Variants in RPTOR observed in about 807,000 individuals in gnomAD.
RPTOR encodes regulatory associated protein of MTOR complex 1, also known as regulatory-associated protein of mTOR.
A neutral mutation model predicts 169.9 loss-of-function variants in RPTOR; 21 were observed. That is an observed-to-expected ratio of 0.12 (90% confidence interval 0.09 to 0.18). The LOEUF (loss-of-function observed/expected upper bound fraction) is 0.18. Among genes scored for constraint, RPTOR ranks in the 10% least tolerant of loss-of-function variants. The pLI, the probability that RPTOR is intolerant of heterozygous loss-of-function variation, is 1.00. For synonymous variants in RPTOR, 732 were observed against 753.2 expected, an observed-to-expected ratio of 0.97 and a Z score of 0.46; for missense variants, 1,133 against 1,855.9, an observed-to-expected ratio of 0.61 and a Z score of 7.16.
intron 5 of RPTOR, among the ~76,000 whole-genome samples, chr17:80,741,243 T>G (rs1292986233): frequency 6.6e-6 from 1 of 152,148 alleles, no homozygotes; most frequent in East Asian, 1.9e-4. Context: ...GCTTGGCTAA[T>G]GAGCAGAGTA....
At chr17:80,741,046 G>A (rs2066477695) in intron 5 of RPTOR, among the ~76,000 whole-genome samples, 1 of 152,274 alleles carries the variant, frequency 6.6e-6, no homozygotes, top group Non-Finnish European at 1.5e-5. Flanking sequence ...TGTTGACGAG[G>A]ATGTGGAGAG....
Position 80,773,725 on chromosome 17 carries a change from C to G in RPTOR, c.831-17725C>G, listed in dbSNP as rs1232344960. 4 of 940,706 alleles carry G rather than the reference C, an allele frequency of 4.3e-6. No individual in the cohort carries two copies. In the African/African-American group the frequency reaches 7.1e-5, roughly 17 times the overall value. The allele number at this position is 940,706 out of a possible 1,614,324, so 58.3% of individuals were successfully genotyped here. On this transcript the variant is annotated intron_variant, in intron 6 of 33. Coordinates refer to ENST00000306801, the MANE Select transcript of RPTOR (RefSeq NM_020761.3). ...CTCTGGCACCAGGCCCTCCTCCAGG[C>G]AGGCGCTTGGGCAGGCTGGTGGGAC...
intron 1 of RPTOR, among the ~76,000 whole-genome samples, chr17:80,600,086 C>G (rs1476520678): frequency 2.6e-5 from 4 of 152,138 alleles, no homozygotes; most frequent in Non-Finnish European, 5.9e-5. Context: ...GATTGAGATC[C>G]AAGTGCAGTG....
At chr17:80,808,350 C>T (rs912655020) in intron 7 of RPTOR, among the ~76,000 whole-genome samples, 1 of 152,076 alleles carries the variant, frequency 6.6e-6, no homozygotes. Context: ...ACTTGAGTCC[C>T]AGTGGTTGTG....
intron 1 of RPTOR, among the ~76,000 whole-genome samples, chr17:80,620,732 C>T (rs1211886745): frequency 6.6e-6 from 1 of 152,198 alleles, no homozygotes; most frequent in East Asian, 1.9e-4. Flanking sequence ...TGCCACTGCA[C>T]GTGATCGTGG....
At chr17:80,795,524 C>T (rs2067092083) in intron 7 of RPTOR, among the ~76,000 whole-genome samples, 1 of 152,066 alleles carries the variant, frequency 6.6e-6, no homozygotes, top group East Asian at 1.9e-4. Flanking sequence ...TTCTCCTGTG[C>T]CAAGTGATGC....
rs74787828 is a variant in RPTOR at position 80,746,400 on chromosome 17, G to T, written c.655-7610G>T. Reference sequence around the variant, plus strand: ...GGAGCGGACGGCAGGCCTGGGGCGTGCTGCCCGCTTACCTCATGAACTGCG... The same window carrying T: ...GGAGCGGACGGCAGGCCTGGGGCGTTCTGCCCGCTTACCTCATGAACTGCG... On this transcript the variant is annotated intron_variant, in intron 5 of 33. Coordinates refer to ENST00000306801, the MANE Select transcript of RPTOR (RefSeq NM_020761.3). The surrounding 1 kb of genome is among the most constrained non-coding windows in gnomAD (Gnocchi z 4.5). 6.6e-6 allele frequency among the ~76,000 whole-genome samples: 1 copy of T among 152,278 alleles called. No homozygotes were observed. The highest frequency in any genetic ancestry group is 2.4e-5 in the African/African-American group (1 of 41,558).
In RPTOR at chr17:80,960,357, G is replaced by C; in HGVS notation, c.3605+152G>C. 1 of 1,113,120 alleles carries C rather than the reference G, an allele frequency of 9.0e-7. No individual in the cohort carries two copies. The highest frequency in any genetic ancestry group is 1.3e-6 in the Non-Finnish European group (1 of 787,156). 69.0% of individuals were successfully genotyped at this position (1,113,120 alleles called of 1,614,324 possible). A position where few individuals can be genotyped will look rare whatever the true frequency, so the allele number is the denominator to read the frequency against. On this transcript the variant is annotated intron_variant, in intron 30 of 33. Coordinates refer to ENST00000306801, the MANE Select transcript of RPTOR (RefSeq NM_020761.3). This position sits in a 1 kb window ranked among gnomAD's most constrained non-coding sequence, Gnocchi z 4.8. ...GCAGTGGCGTATTTAGGCCAGTCCT[G>C]GGCTCCCCAAAGCCGCCAGGCCCGT...
At chr17:80,595,471 C>A (rs575080821) in intron 1 of RPTOR, among the ~76,000 whole-genome samples, 43 of 152,282 alleles carry the variant, frequency 2.8e-4, no homozygotes, top group Non-Finnish European at 4.9e-4. Flanking sequence ...TTTTCCCCCC[C>A]CTTAGATGGG....
intron 1 of RPTOR, among the ~76,000 whole-genome samples, chr17:80,571,898 C>G (rs1386903921): frequency 1.3e-5 from 2 of 152,146 alleles, no homozygotes; most frequent in African/African-American, 4.8e-5. Context: ...TGCTTCTTTT[C>G]TCAGTATCGT....
chr17:80,654,955 A>G (rs924742643), intron 3 of RPTOR, among the ~76,000 whole-genome samples: 2 of 152,144 alleles, frequency 1.3e-5, no homozygotes, highest in Admixed American at 1.3e-4. Context: ...ATGGATAAAC[A>G]TAGAAGAAAG....
intron 1 of RPTOR, among the ~76,000 whole-genome samples, chr17:80,582,541 C>CTTTT (rs5822359): frequency 2.3e-5 from 2 of 86,836 alleles, no homozygotes; most frequent in African/African-American, 4.6e-5. Flanking sequence ...GACAAATGGG[C>CTTTT]TTTTTTTTTT....
At position 80,891,852 on chromosome 17, in the gene RPTOR, C is replaced by T. The variant is rs566994990; in HGVS notation, c.2101+15C>T. 3 of 1,568,978 alleles carry T rather than the reference C, an allele frequency of 1.9e-6. No homozygotes were observed. Among genetic ancestry groups the T allele is most frequent in the Non-Finnish European group, 2.6e-6 (3 of 1,140,488 alleles). On this transcript the variant is annotated intron_variant, in intron 18 of 33. Transcript: ENST00000306801. Reference sequence around the variant, plus strand: ...AGCAACCACAGGTATGGCGTCTTCTCCTGTGAACCCGCAGAGCACCTCGCC... The same window carrying T: ...AGCAACCACAGGTATGGCGTCTTCTTCTGTGAACCCGCAGAGCACCTCGCC...
At chr17:80,560,175 C>A (rs2084462256) in intron 1 of RPTOR, among the ~76,000 whole-genome samples, 2 of 152,180 alleles carry the variant, frequency 1.3e-5, no homozygotes, top group Non-Finnish European at 2.9e-5. Flanking sequence ...AATTCTGCAG[C>A]TGGACATTGA....
chr17:80,822,939 G>A (rs771253425), intron 8 of RPTOR, 140 bp from the exon 9 acceptor site: 56 of 727,792 alleles, frequency 7.7e-5, no homozygotes, highest in Admixed American at 2.8e-4. Flanking sequence ...GTGTTTAAGC[G>A]TGTGTGTGTG....
In RPTOR at chr17:80,844,753, C is replaced by T. The variant is rs554139930; in HGVS notation, c.1213-1720C>T. On this transcript the variant is annotated intron_variant, in intron 10 of 33. Coordinates refer to ENST00000306801, the MANE Select transcript of RPTOR (RefSeq NM_020761.3). This position sits in a 1 kb window ranked among gnomAD's most constrained non-coding sequence, Gnocchi z 4.7. ...GAGAGCGCTCCTGGACTTGGGCGCACGGAGGCACCCTGTCCTGCTCCTGGC... is the reference window on the plus strand; with the variant it reads ...GAGAGCGCTCCTGGACTTGGGCGCATGGAGGCACCCTGTCCTGCTCCTGGC... 3.3e-5 allele frequency among the ~76,000 whole-genome samples: 5 copies of T among 152,300 alleles called. No homozygotes were observed. Among genetic ancestry groups the T allele is most frequent in the East Asian group, 1.9e-4 (1 of 5,168 alleles).
intron 1 of RPTOR, among the ~76,000 whole-genome samples, chr17:80,548,508 A>G (rs953092800): frequency 1.3e-5 from 2 of 148,988 alleles, no homozygotes; most frequent in African/African-American, 5.0e-5. Flanking sequence ...CAGCCTCCCA[A>G]GTAGCTGGGA....
chr17:80,903,933 A>AC (rs1445320170), intron 20 of RPTOR, among the ~76,000 whole-genome samples: 5 of 152,270 alleles, frequency 3.3e-5, no homozygotes, highest in African/African-American at 1.2e-4. Flanking sequence ...TTGTCAGAAG[A>AC]CGGTGGTGAG....
chr17:80,893,417 G>T (rs1488535395), intron 19 of RPTOR, among the ~76,000 whole-genome samples: 1 of 137,466 alleles, frequency 7.3e-6, no homozygotes, highest in Non-Finnish European at 1.5e-5. Context: ...TGTGTACAAG[G>T]GTGTGTGTGT....
Sources: allele counts gnomAD v4.1 joint callset (sites outside exome capture counted in the v4.1 genomes callset), GRCh38; gene constraint gnomAD v4.1.1; non-coding constraint Gnocchi (gnomAD v3.1); transcripts MANE v1.5; gene names NCBI Gene and HGNC (gene_info 2026-07-23, HGNC 2026-07-21).